DLG2: variants seen among roughly 807,000 people sequenced by gnomAD.
The protein encoded by DLG2 is disks large homolog 2.
Under a neutral mutation model 132.5 loss-of-function variants are expected in DLG2, and 45 were observed. That is an observed-to-expected ratio of 0.34 (90% CI 0.27 to 0.44). The LOEUF (loss-of-function observed/expected upper bound fraction) is 0.44, where lower values mean the gene tolerates loss of function less well. DLG2 is among the 20% of genes least tolerant of loss of function. The pLI is 1.00. For synonymous variants in DLG2, 424 were observed against 419.6 expected (o/e 1.01, Z -0.13); for missense variants, 1,045 against 1,196.9 (o/e 0.87, Z 1.87).
intron 6 of DLG2, among the ~76,000 whole-genome samples, chr11:84,677,749 T>C (rs2099717400): frequency 6.6e-6 from 1 of 152,018 alleles, no homozygotes; most frequent in South Asian, 2.1e-4. Flanking sequence ...AAAAATTAGC[T>C]GGGTGCAGTA....
chr11:85,319,641 G>A (rs186593887), intron 3 of DLG2, among the ~76,000 whole-genome samples: 5 of 151,886 alleles, frequency 3.3e-5, no homozygotes, highest in Admixed American at 6.6e-5. Context: ...GAAATGGAAC[G>A]CAGTGTCTGA....
At chr11:83,836,642 G>C (rs1261239092) in intron 16 of DLG2, among the ~76,000 whole-genome samples, 1 of 152,108 alleles carries the variant, frequency 6.6e-6, no homozygotes, top group Admixed American at 6.5e-5. Context: ...CTTTTCTTAT[G>C]TAAGAACTTA....
At position 85,607,517 on chromosome 11, in the gene DLG2, T is replaced by A. The variant is rs886453492; in HGVS notation, c.-92-8729A>T. Among the ~76,000 whole-genome samples the A allele has an allele frequency of 1.1e-4, 16 of 152,362 alleles. No individual in the cohort carries two copies. In the Middle Eastern group the frequency reaches 0.01, roughly 97 times the overall value. On this transcript the variant is annotated intron_variant, in intron 2 of 27. Transcript: ENST00000376104. The stretch of plus-strand genomic sequence containing the variant: ...TCCTCTCACCTGTCTTCTCCAAGGC[T>A]AGTCCCGCTTATAAAAACCACTCGC...
At chr11:84,509,402 A>G (rs1360972887) in intron 7 of DLG2, among the ~76,000 whole-genome samples, 1 of 152,212 alleles carries the variant, frequency 6.6e-6, no homozygotes, top group African/African-American at 2.4e-5. Context: ...GATCTCTTAT[A>G]TTGATAAATT....
rs193028528 is a variant in DLG2, at chr11:85,336,644, G to A, written c.41-51279C>T. On this transcript the variant is annotated intron_variant, in intron 3 of 27. Transcript: ENST00000376104. ...GGATGGGGTCCTGAGCCAGGAGGAG[G>A]GAATGTGGGTGGACATGGGGTGGGT... 3.1e-3 allele frequency: 474 copies of A among 153,252 alleles called. 2 individuals are homozygous for A. Among genetic ancestry groups the A allele is most frequent in the Non-Finnish European group, 4.7e-3 (320 of 68,564 alleles). 9.5% of individuals were successfully genotyped at this position (153,252 alleles called of 1,614,324 possible). A position where few individuals can be genotyped will look rare whatever the true frequency, so the allele number is the denominator to read the frequency against.
intron 7 of DLG2, among the ~76,000 whole-genome samples, chr11:84,299,193 G>A (rs998514026): frequency 6.6e-6 from 1 of 152,130 alleles, no homozygotes; most frequent in African/African-American, 2.4e-5. Flanking sequence ...CCAAAGATAC[G>A]TAAGTGTAAG....
At chr11:83,483,061 C>T (rs1028939961) in intron 22 of DLG2, among the ~76,000 whole-genome samples, 5 of 152,066 alleles carry the variant, frequency 3.3e-5, no homozygotes, top group Admixed American at 3.3e-4. Flanking sequence ...ATACATTTTG[C>T]TTTTAAATGC....
chr11:84,328,318 CAAG>C (rs1463217984), intron 7 of DLG2, among the ~76,000 whole-genome samples: 2 of 149,462 alleles, frequency 1.3e-5, no homozygotes, highest in Non-Finnish European at 1.5e-5. Flanking sequence ...GAAGGGTGGG[CAAG>C]AAGAAGAAAG....
chr11:85,245,027 G>A (rs2152684624), intron 4 of DLG2, among the ~76,000 whole-genome samples: 1 of 151,940 alleles, frequency 6.6e-6, no homozygotes, highest in East Asian at 1.9e-4. Flanking sequence ...AATTATGCTT[G>A]AAAAATTTAC....
At chr11:84,901,786 A>G (rs985702734) in intron 6 of DLG2, among the ~76,000 whole-genome samples, 1 of 152,064 alleles carries the variant, frequency 6.6e-6, no homozygotes, top group Admixed American at 6.6e-5. Flanking sequence ...TTTGACATCA[A>G]CAATTATCAA....
At chr11:83,615,590 A>G (rs138951278) in intron 19 of DLG2, among the ~76,000 whole-genome samples, 2 of 152,352 alleles carry the variant, frequency 1.3e-5, no homozygotes, top group African/African-American at 4.8e-5. Flanking sequence ...ATCCTGGATT[A>G]TCCTTCGTGG....
intron 7 of DLG2, among the ~76,000 whole-genome samples, chr11:84,469,477 T>C (rs2099103012): frequency 6.6e-6 from 1 of 151,620 alleles, no homozygotes; most frequent in Non-Finnish European, 1.5e-5. Flanking sequence ...AAGTAAGACA[T>C]GGTAGGAGAG....
chr11:83,850,215 G>T (rs188413701), intron 16 of DLG2, among the ~76,000 whole-genome samples: 1 of 151,086 alleles, frequency 6.6e-6, no homozygotes, highest in African/African-American at 2.4e-5. Flanking sequence ...GTGCAGTGGC[G>T]TGATCCCGGC....
intron 7 of DLG2, among the ~76,000 whole-genome samples, chr11:84,508,232 A>C (rs1396023009): frequency 6.6e-6 from 1 of 152,078 alleles, no homozygotes; most frequent in East Asian, 1.9e-4. Context: ...TCTTCTTCAT[A>C]TGCCACACTG....
chr11:83,797,175 G>T (rs1219961187), intron 17 of DLG2, among the ~76,000 whole-genome samples: 1 of 151,894 alleles, frequency 6.6e-6, no homozygotes, highest in Non-Finnish European at 1.5e-5. Context: ...GTTACTGAAG[G>T]GTAGATACGG....
chr11:84,826,844 A>T (rs945431403), intron 6 of DLG2, among the ~76,000 whole-genome samples: 1 of 151,802 alleles, frequency 6.6e-6, no homozygotes, highest in Admixed American at 6.6e-5. Context: ...TCAACAGGAA[A>T]TCTTATTTAT....
intron 18 of DLG2, among the ~76,000 whole-genome samples, chr11:83,635,236 G>T (rs996806916): frequency 6.6e-6 from 1 of 152,056 alleles, no homozygotes; most frequent in African/African-American, 2.4e-5. Context: ...GTGAGACCCT[G>T]TCTTTATTTA....
At chr11:84,788,577 C>T (rs147340630) in intron 6 of DLG2, among the ~76,000 whole-genome samples, 329 of 151,784 alleles carry the variant, frequency 2.2e-3, no homozygotes, top group African/African-American at 7.4e-3. Context: ...CATTTTATAA[C>T]GTATATACAA....
At chr11:85,104,361 T>C (rs2071346727) in intron 6 of DLG2, among the ~76,000 whole-genome samples, 1 of 151,868 alleles carries the variant, frequency 6.6e-6, no homozygotes, top group Non-Finnish European at 1.5e-5. Flanking sequence ...ACTCATACAA[T>C]GAAATATTAT....
Sources: gnomAD v4.1 joint callset for allele counts (sites outside exome capture counted in the v4.1 genomes callset) on GRCh38, gnomAD v4.1.1 for gene constraint, MANE v1.5 for transcripts, NCBI Gene and HGNC (gene_info 2026-07-23, HGNC 2026-07-21) for gene names.